The following GABBR2 variants were observed in gnomAD, a reference collection of about 807,000 sequenced individuals.
The protein encoded by GABBR2 is gamma-aminobutyric acid type B receptor subunit 2.
In GABBR2, 23 loss-of-function variants were observed where a neutral mutation model predicts 105.6. That is an observed-to-expected ratio of 0.22 (90% CI 0.16 to 0.31). GABBR2 has a LOEUF of 0.31. GABBR2 is among the 10% of genes least tolerant of loss of function. The pLI, the probability that GABBR2 is intolerant of heterozygous loss-of-function variation, is 1.00. For synonymous variants in GABBR2, 478 were observed against 499.7 expected (o/e 0.96, Z 0.58); for missense variants, 734 against 1,245.5 (o/e 0.59, Z 6.18).
At chr9:98,425,126 A>G (rs181002398) in intron 7 of GABBR2, among the ~76,000 whole-genome samples, 27 of 152,320 alleles carry the variant, frequency 1.8e-4, no homozygotes, top group Admixed American at 8.5e-4. Context: ...AATACAAATA[A>G]TAACACACAT....
chr9:98,670,025 T>C (rs950823807), intron 1 of GABBR2, among the ~76,000 whole-genome samples: 3 of 152,056 alleles, frequency 2.0e-5, no homozygotes, highest in Non-Finnish European at 4.4e-5. Flanking sequence ...GCAAGCCACG[T>C]GTGCAGTCTC....
chr9:98,340,090 T>G (rs10985907), intron 13 of GABBR2, among the ~76,000 whole-genome samples: 64,182 of 151,684 alleles, frequency 0.42, 14,058 homozygotes, highest in East Asian at 0.75. Context: ...TGTCCCGGGG[T>G]AGGACACCAT....
At chr9:98,551,492 C>A (rs1391572327) in intron 2 of GABBR2, among the ~76,000 whole-genome samples, 1 of 152,174 alleles carries the variant, frequency 6.6e-6, no homozygotes, top group East Asian at 1.9e-4. Flanking sequence ...CCTGAAAAAA[C>A]TGTGGCCCAG....
chr9:98,420,297 C>T, intron 7 of GABBR2, among the ~76,000 whole-genome samples: 1 of 152,150 alleles, frequency 6.6e-6, no homozygotes, highest in Non-Finnish European at 1.5e-5. Context: ...TCAGCCCCAG[C>T]CCACCTGGAG....
chr9:98,601,935 G>A (rs560137937), intron 1 of GABBR2, among the ~76,000 whole-genome samples: 39 of 152,324 alleles, frequency 2.6e-4, no homozygotes, highest in Admixed American at 7.2e-4. Context: ...TGTGACCACA[G>A]GGAAGACCCT....
Position 98,524,350 on chromosome 9 carries a change from G to A in GABBR2, c.630+17523C>T, listed in dbSNP as rs1048731264. Reference sequence around the variant, plus strand: ...AACCTGACAAAGACAGCACAATCACGGCAAAATATAAATTATCATACGTAC... The same window carrying A: ...AACCTGACAAAGACAGCACAATCACAGCAAAATATAAATTATCATACGTAC... On this transcript the variant is annotated intron_variant, in intron 3 of 18. Transcript: ENST00000259455. Among the ~76,000 whole-genome samples the A allele has an allele frequency of 5.3e-5, 8 of 151,946 alleles. No individual in the cohort carries two copies. The East Asian group carries it at 7.7e-4, about 15-fold the overall frequency.
intron 7 of GABBR2, among the ~76,000 whole-genome samples, chr9:98,442,305 C>T (rs1019398837): frequency 4.6e-5 from 7 of 152,156 alleles, no homozygotes; most frequent in Non-Finnish European, 8.8e-5. Context: ...ACAGAGCTCC[C>T]CCTGGAAACT....
At chr9:98,345,293 C>T (rs1214328477) in intron 13 of GABBR2, among the ~76,000 whole-genome samples, 1 of 152,204 alleles carries the variant, frequency 6.6e-6, no homozygotes, top group African/African-American at 2.4e-5. Context: ...GATCATGTCA[C>T]TCCCCTGATG....
chr9:98,331,545 T>G (rs998526237), intron 13 of GABBR2, among the ~76,000 whole-genome samples: 1 of 152,136 alleles, frequency 6.6e-6, no homozygotes, highest in East Asian at 1.9e-4. Flanking sequence ...CCCCCTGGAC[T>G]GGGGGAGTCC....
chr9:98,552,489 G>A (rs1333026547), intron 2 of GABBR2, among the ~76,000 whole-genome samples: 2 of 152,220 alleles, frequency 1.3e-5, no homozygotes, highest in Admixed American at 1.3e-4. Context: ...GGCTGTGTGT[G>A]TTGGGAACTC....
At chr9:98,356,662 TTTATCCAAATGAA>T (rs1831490730) in intron 13 of GABBR2, among the ~76,000 whole-genome samples, 2 of 152,220 alleles carry the variant, frequency 1.3e-5, no homozygotes, top group Admixed American at 1.3e-4. Flanking sequence ...CTCCTGGGTA[TTTATCCAAATGAA>T]TTGAAAATTT....
chr9:98,474,022 T>A (rs16916338), intron 5 of GABBR2, among the ~76,000 whole-genome samples: 4 of 152,214 alleles, frequency 2.6e-5, no homozygotes, highest in Admixed American at 1.3e-4. Context: ...GCTCTGAATC[T>A]TTATCCAAAA....
chr9:98,555,500 T>C (rs538478257), intron 2 of GABBR2, among the ~76,000 whole-genome samples: 1 of 152,362 alleles, frequency 6.6e-6, no homozygotes, highest in South Asian at 2.1e-4. Context: ...CCCTCACAGC[T>C]GTGCAGGTGA....
intron 1 of GABBR2, 40 bp from the exon 2 acceptor site, chr9:98,578,112 A>T (rs1828947080): frequency 6.2e-7 from 1 of 1,610,088 alleles, no homozygotes; most frequent in African/African-American, 1.3e-5. Context: ...CAAATTAGAA[A>T]CAGCTTTTCC....
chr9:98,337,642 T>C (rs1831139081), intron 13 of GABBR2, among the ~76,000 whole-genome samples: 1 of 152,176 alleles, frequency 6.6e-6, no homozygotes, highest in South Asian at 2.1e-4. Flanking sequence ...ACATATAAAT[T>C]GGTGGAATAG....
At chr9:98,444,083 T>C (rs181395645) in intron 7 of GABBR2, among the ~76,000 whole-genome samples, 7 of 152,338 alleles carry the variant, frequency 4.6e-5, no homozygotes, top group East Asian at 1.9e-4. Flanking sequence ...GAGTAAATCA[T>C]TGAACTTTGC....
chr9:98,450,776 G>C (rs1826216634), intron 7 of GABBR2, among the ~76,000 whole-genome samples: 1 of 152,156 alleles, frequency 6.6e-6, no homozygotes, highest in South Asian at 2.1e-4. Flanking sequence ...CCATTAAAAA[G>C]AAACTCATCC....
At chr9:98,488,003 A>G (rs1016604439) in intron 4 of GABBR2, among the ~76,000 whole-genome samples, 9 of 152,298 alleles carry the variant, frequency 5.9e-5, no homozygotes, top group African/African-American at 2.2e-4. Flanking sequence ...GCCGAGGCAG[A>G]GACAGTGATA....
intron 13 of GABBR2, among the ~76,000 whole-genome samples, chr9:98,355,843 T>C (rs536665573): frequency 6.6e-6 from 1 of 152,148 alleles, no homozygotes; most frequent in African/African-American, 2.4e-5. Flanking sequence ...CTAACCAACA[T>C]AGGGTGGGAT....
Sources: allele counts gnomAD v4.1 joint callset (sites outside exome capture counted in the v4.1 genomes callset), GRCh38; gene constraint gnomAD v4.1.1; transcripts MANE v1.5; gene names NCBI Gene and HGNC (gene_info 2026-07-23, HGNC 2026-07-21).